The following ZFPM2 variants were observed in gnomAD, a reference collection of about 807,000 sequenced individuals.
ZFPM2 encodes zinc finger protein, FOG family member 2.
In ZFPM2, 20 loss-of-function variants were observed where a neutral mutation model predicts 98.6. That is an observed-to-expected ratio of 0.20 (90% CI 0.14 to 0.29). The LOEUF is 0.29. Among genes scored for constraint, ZFPM2 ranks in the 10% least tolerant of loss-of-function variants. The probability of loss-of-function intolerance (pLI) is 1.00; values close to 1 mark genes in which losing one functional copy is unlikely to be tolerated. For missense variants in ZFPM2, 1,310 were observed against 1,388.6 expected (o/e 0.94, Z 0.90); for synonymous variants, 518 against 502.7 (o/e 1.03, Z -0.41).
At chr8:105,673,187 C>CTTTTTTTTTTTTTTTTTTTTTTTTTTT (rs5893754) in intron 5 of ZFPM2, among the ~76,000 whole-genome samples, 6 of 87,526 alleles carry the variant, frequency 6.9e-5, no homozygotes, top group African/African-American at 2.9e-4. Context: ...AAATAGCATG[C>CTTTTTTTTTTTTTTTTTTTTTTTTTTT]TTTTTTTTTT....
chr8:105,497,741 C>T (rs1365755201), intron 3 of ZFPM2, among the ~76,000 whole-genome samples: 5 of 151,872 alleles, frequency 3.3e-5, no homozygotes, highest in South Asian at 2.1e-4. Flanking sequence ...GCTTAGTGGT[C>T]GATAGGCGGT....
chr8:105,487,928 A>AGC (rs1813264865), intron 3 of ZFPM2, among the ~76,000 whole-genome samples: 1 of 106,006 alleles, frequency 9.4e-6, no homozygotes, highest in Non-Finnish European at 2.1e-5. Context: ...CTATCTATCT[A>AGC]TCTAGCTAGC....
intron 4 of ZFPM2, among the ~76,000 whole-genome samples, chr8:105,576,975 T>G (rs769975120): frequency 1.3e-5 from 2 of 152,138 alleles, no homozygotes; most frequent in Non-Finnish European, 2.9e-5. Flanking sequence ...ATCTTTACAG[T>G]CATATGAAAG....
At chr8:105,427,410 A>G (rs951581390) in intron 2 of ZFPM2, among the ~76,000 whole-genome samples, 7 of 152,140 alleles carry the variant, frequency 4.6e-5, no homozygotes, top group African/African-American at 1.4e-4. Context: ...AACTAAATTC[A>G]TTGTTCTTTC....
chr8:105,510,410 TTTGTTTG>T (rs1461764583), intron 3 of ZFPM2, among the ~76,000 whole-genome samples: 4 of 138,080 alleles, frequency 2.9e-5, no homozygotes, highest in Non-Finnish European at 6.2e-5. Flanking sequence ...TTTTTTTTTT[TTTGTTTG>T]TTTGTTTGTT....
intron 5 of ZFPM2, among the ~76,000 whole-genome samples, chr8:105,689,462 CACAG>C (rs1369954574): frequency 1.3e-5 from 2 of 152,138 alleles, no homozygotes; most frequent in African/African-American, 2.4e-5. Context: ...TCTGCTGATA[CACAG>C]ACAAACCAAA....
rs138128827 is a variant in ZFPM2 at position 105,437,874 on chromosome 8, C to T, written c.200-6406C>T. Among the ~76,000 whole-genome samples the T allele has an allele frequency of 2.4e-3, 360 of 152,090 alleles. 2 individuals carry two copies. Among genetic ancestry groups the T allele is most frequent in the African/African-American group, 8.2e-3 (342 of 41,492 alleles). ...CCTGGCTAACATAGTGAAACCCCGT[C>T]TCTACTAAAAATACAAAAATTAGAT... On this transcript the variant is annotated intron_variant, in intron 2 of 7. Transcript: ENST00000407775.
At chr8:105,575,469 C>T (rs1476853838) in intron 4 of ZFPM2, among the ~76,000 whole-genome samples, 1 of 152,080 alleles carries the variant, frequency 6.6e-6, no homozygotes, top group East Asian at 1.9e-4. Flanking sequence ...CTGTTTTGGA[C>T]TAGATGAGCT....
chr8:105,742,563 T>C (rs1369410857), intron 5 of ZFPM2, among the ~76,000 whole-genome samples: 1 of 151,788 alleles, frequency 6.6e-6, no homozygotes, highest in Non-Finnish European at 1.5e-5. Context: ...AGCAAGTTCC[T>C]TGGCTGAGAA....
chr8:105,693,980 C>CTTTTTTTTTTTTTTTT (rs376834507), intron 5 of ZFPM2, among the ~76,000 whole-genome samples: 3 of 118,406 alleles, frequency 2.5e-5, no homozygotes, highest in African/African-American at 3.5e-5. Flanking sequence ...TTTTTCTTTT[C>CTTTTTTTTTTTTTTTT]TTTTTTTTTT....
intron 1 of ZFPM2, among the ~76,000 whole-genome samples, chr8:105,406,170 A>G (rs1811454212): frequency 6.6e-6 from 1 of 151,984 alleles, no homozygotes; most frequent in South Asian, 2.1e-4. Flanking sequence ...TAGATTCTGG[A>G]TATTAGCCCT....
intron 5 of ZFPM2, among the ~76,000 whole-genome samples, chr8:105,739,452 A>G (rs1812163391): frequency 6.6e-6 from 1 of 151,988 alleles, no homozygotes; most frequent in African/African-American, 2.4e-5. Flanking sequence ...ATGTTCAGTA[A>G]TTTACCTAGG....
At chr8:105,370,578 G>T (rs1387630632) in intron 1 of ZFPM2, among the ~76,000 whole-genome samples, 3 of 152,134 alleles carry the variant, frequency 2.0e-5, no homozygotes, top group Admixed American at 2.0e-4. Flanking sequence ...GGAAACCTGA[G>T]AATAAAAGGG....
At chr8:105,535,706 C>T (rs1814435900) in intron 3 of ZFPM2, among the ~76,000 whole-genome samples, 3 of 152,066 alleles carry the variant, frequency 2.0e-5, no homozygotes, top group African/African-American at 7.2e-5. Flanking sequence ...TTATAGCCTC[C>T]CAGCTTGCTT....
chr8:105,746,992 G>T (rs1812363505), intron 5 of ZFPM2, among the ~76,000 whole-genome samples: 2 of 151,920 alleles, frequency 1.3e-5, no homozygotes, highest in African/African-American at 2.4e-5. Flanking sequence ...GAACTCAGAG[G>T]GTCTGTAACA....
intron 5 of ZFPM2, among the ~76,000 whole-genome samples, chr8:105,734,665 G>A (rs976289034): frequency 6.6e-6 from 1 of 151,928 alleles, no homozygotes; most frequent in African/African-American, 2.4e-5. Flanking sequence ...ATCAGAAACT[G>A]TAAACTTATG....
rs1299523244 is a variant in ZFPM2, at chr8:105,489,391, T to C, written c.301+45010T>C. Among the ~76,000 whole-genome samples the C allele has an allele frequency of 1.5e-3, 227 of 147,114 alleles. 1 individual carries two copies. Among genetic ancestry groups the C allele is most frequent in the African/African-American group, 5.0e-3 (201 of 40,568 alleles). On this transcript the variant is annotated intron_variant, in intron 3 of 7. Transcript: ENST00000407775. ...GTATATATTTATATATTTATAGATA[T>C]ATATTTTATATATATTTATAGATAT...
intron 3 of ZFPM2, among the ~76,000 whole-genome samples, chr8:105,463,201 C>G (rs991101540): frequency 6.6e-6 from 1 of 151,472 alleles, no homozygotes; most frequent in African/African-American, 2.4e-5. Flanking sequence ...GCAAGTCTGC[C>G]TTTATATTCA....
At chr8:105,645,884 T>C in intron 5 of ZFPM2, among the ~76,000 whole-genome samples, 1 of 151,606 alleles carries the variant, frequency 6.6e-6, no homozygotes, top group East Asian at 1.9e-4. Flanking sequence ...AAACCCTATC[T>C]CTAGTAAAAA....
Sources: allele counts gnomAD v4.1 joint callset (sites outside exome capture counted in the v4.1 genomes callset), GRCh38; gene constraint gnomAD v4.1.1; transcripts MANE v1.5; gene names NCBI Gene and HGNC (gene_info 2026-07-23, HGNC 2026-07-21).